Variants in VWA8 observed in about 807,000 individuals in gnomAD.
The protein encoded by VWA8 is von Willebrand factor A domain-containing protein 8.
A neutral mutation model predicts 241.5 loss-of-function variants in VWA8; 221 were observed. That is an observed-to-expected ratio of 0.91 (90% CI 0.82 to 1.02). VWA8 has a LOEUF of 1.02. Among genes scored for constraint, VWA8 ranks in the 50% least tolerant of loss-of-function variants. The pLI, the probability that VWA8 is intolerant of heterozygous loss-of-function variation, is 0.00. For missense variants in VWA8, 2,322 were observed against 2,328.7 expected (o/e 1.00, Z 0.06); for synonymous variants, 852 against 827.1 (o/e 1.03, Z -0.52).
intron 2 of VWA8, among the ~76,000 whole-genome samples, chr13:41,916,490 T>C (rs1319982475): frequency 6.6e-6 from 1 of 152,268 alleles, no homozygotes; most frequent in African/African-American, 2.4e-5. Context: ...ATCAATGGTA[T>C]GTTTTATTCC....
intron 26 of VWA8, among the ~76,000 whole-genome samples, chr13:41,714,655 T>C (rs1593714640): frequency 1.3e-5 from 2 of 152,008 alleles, no homozygotes; most frequent in East Asian, 3.8e-4. Context: ...TTGTGTTTTA[T>C]TTTTTGATCC....
At chr13:41,711,797 C>A (rs1479846116) in intron 26 of VWA8, among the ~76,000 whole-genome samples, 1 of 152,014 alleles carries the variant, frequency 6.6e-6, no homozygotes, top group Non-Finnish European at 1.5e-5. Context: ...TGGTGTGAAC[C>A]TGGGAGGCGG....
intron 3 of VWA8, among the ~76,000 whole-genome samples, chr13:41,908,954 A>C (rs973777935): frequency 6.6e-6 from 1 of 152,168 alleles, no homozygotes; most frequent in African/African-American, 2.4e-5. Context: ...TCCTATCTCC[A>C]TATGCTACTG....
chr13:41,863,124 A>G (rs1293104864), intron 12 of VWA8, among the ~76,000 whole-genome samples: 2 of 152,010 alleles, frequency 1.3e-5, no homozygotes, highest in African/African-American at 4.8e-5. Context: ...TCTGGTGGGC[A>G]TCATCTAATC....
chr13:41,579,996 G>A (rs1025252740), intron 42 of VWA8, among the ~76,000 whole-genome samples: 15 of 151,258 alleles, frequency 9.9e-5, no homozygotes, highest in African/African-American at 2.7e-4. Context: ...ACAGGCATGC[G>A]CCGCCACACC....
chr13:41,740,502 G>A (rs907009108), intron 21 of VWA8, among the ~76,000 whole-genome samples: 16 of 152,134 alleles, frequency 1.1e-4, no homozygotes, highest in Non-Finnish European at 7.4e-5. Context: ...TTCAGCATCC[G>A]CATGCATTTT....
At chr13:41,909,350 G>A (rs776873786) in intron 3 of VWA8, among the ~76,000 whole-genome samples, 6 of 152,164 alleles carry the variant, frequency 3.9e-5, no homozygotes, top group Non-Finnish European at 8.8e-5. Flanking sequence ...ATGAGCCACC[G>A]CACCCAGTCT....
At chr13:41,650,145 C>A (rs1307234025) in intron 37 of VWA8, among the ~76,000 whole-genome samples, 1 of 152,078 alleles carries the variant, frequency 6.6e-6, no homozygotes, top group Non-Finnish European at 1.5e-5. Context: ...TATAATCTTT[C>A]TATTATTGTA....
chr13:41,570,467 C>T lies in VWA8; in HGVS notation c.5609+1G>A. 1 of 1,613,326 alleles carries T rather than the reference C, an allele frequency of 6.2e-7. No individual in the cohort carries two copies. Among genetic ancestry groups the T allele is most frequent in the Non-Finnish European group, 8.5e-7 (1 of 1,179,272 alleles). On this transcript the variant is annotated splice_donor_variant, in intron 44 of 44. Transcript: ENST00000379310. LOFTEE classifies it high-confidence loss of function. ...TTTCTGTATGCTCAGATGACACTTA[C>T]CTGGTTGCTTGATCACCTAAAGAGC...
chr13:41,941,331 G>A (rs1385478567), intron 2 of VWA8, among the ~76,000 whole-genome samples: 4 of 152,022 alleles, frequency 2.6e-5, no homozygotes, highest in African/African-American at 7.3e-5. Flanking sequence ...GATATAATAC[G>A]GCACCTTAGA....
chr13:41,834,332 TGCG>T (rs1230095990), intron 12 of VWA8, among the ~76,000 whole-genome samples: 1 of 152,256 alleles, frequency 6.6e-6, no homozygotes, highest in Non-Finnish European at 1.5e-5. Context: ...ATACATTTTG[TGCG>T]ACTTATAGCA....
At chr13:41,789,068 C>T (rs1869335427) in intron 17 of VWA8, among the ~76,000 whole-genome samples, 1 of 152,120 alleles carries the variant, frequency 6.6e-6, no homozygotes, top group African/African-American at 2.4e-5. Context: ...ATCTAGCACC[C>T]AGACAGCAAT....
intron 2 of VWA8, among the ~76,000 whole-genome samples, chr13:41,938,533 C>T (rs1401575267): frequency 6.6e-6 from 1 of 151,978 alleles, no homozygotes; most frequent in Non-Finnish European, 1.5e-5. Context: ...TGCCTGTAGT[C>T]CCAGCTACTC....
At chr13:41,608,325 T>C (rs2044565784) in intron 39 of VWA8, among the ~76,000 whole-genome samples, 1 of 152,024 alleles carries the variant, frequency 6.6e-6, no homozygotes, top group South Asian at 2.1e-4. Context: ...AAGCAAGGGA[T>C]GTAGAAAGAA....
chr13:41,803,440 T>A (rs1409215444), intron 17 of VWA8, among the ~76,000 whole-genome samples: 1 of 151,898 alleles, frequency 6.6e-6, no homozygotes, highest in Non-Finnish European at 1.5e-5. Context: ...AAGAAAGAGG[T>A]TTAATGGACT....
chr13:41,709,139 ACT>A lies in VWA8; in HGVS notation c.3117-5730_3117-5729del, dbSNP rs778107616. Among the ~76,000 whole-genome samples the A allele has an allele frequency of 1.8e-4, 27 of 152,204 alleles. No homozygotes were observed. In the Middle Eastern group the frequency reaches 0.01, roughly 58 times the overall value. The stretch of plus-strand genomic sequence containing the variant: ...TCTCACAAGGACTCACGGAATGAAA[ACT>A]CTACTATGAATATAGCACTTTGAAT... On this transcript the variant is annotated intron_variant, in intron 26 of 44. Transcript: ENST00000379310.
intron 25 of VWA8, 26 bp from the exon 26 acceptor site, chr13:41,719,768 T>G (rs756115341): frequency 1.6e-5 from 26 of 1,590,460 alleles, no homozygotes; most frequent in Admixed American, 3.5e-5. Flanking sequence ...ATTCCCTTAT[T>G]ATGCATGTGA....
intron 12 of VWA8, among the ~76,000 whole-genome samples, chr13:41,865,041 T>C (rs2138048621): frequency 6.6e-6 from 1 of 151,410 alleles, no homozygotes; most frequent in Non-Finnish European, 1.5e-5. Flanking sequence ...GTTATATATA[T>C]TTTGTCACCA....
intron 12 of VWA8, among the ~76,000 whole-genome samples, chr13:41,850,735 A>G (rs1275722820): frequency 6.6e-6 from 1 of 152,186 alleles, no homozygotes; most frequent in African/African-American, 2.4e-5. Context: ...CAGTCTATAA[A>G]GACTGGATGT....
Sources: gnomAD v4.1 joint callset for allele counts (sites outside exome capture counted in the v4.1 genomes callset) on GRCh38, gnomAD v4.1.1 for gene constraint, MANE v1.5 for transcripts, NCBI Gene and HGNC (gene_info 2026-07-23, HGNC 2026-07-21) for gene names.